The following RAP1A variants were observed in gnomAD, a reference collection of about 807,000 sequenced individuals.
The protein encoded by RAP1A is ras-related protein Rap-1A.
In RAP1A, 6 loss-of-function variants were observed where a neutral mutation model predicts 26.4. The observed-to-expected ratio is 0.23, with a 90% CI of 0.12 to 0.45. RAP1A has a LOEUF of 0.45. Ranked by LOEUF, RAP1A falls within the 20% of genes least tolerant of loss-of-function variation. RAP1A has a pLI of 0.99. For synonymous variants in RAP1A, 73 were observed against 79.4 expected (o/e 0.92, Z 0.43); for missense variants, 121 against 217.2 (o/e 0.56, Z 2.78).
At chr1:111,608,377 T>TGG (rs1033063347) in intron 1 of RAP1A, 3 of 160,246 alleles carry the variant, frequency 1.9e-5, no homozygotes, top group African/African-American at 8.0e-5. Flanking sequence ...ACTTCCTAGA[T>TGG]GGGATGGCGG....
At chr1:111,703,984 G>C (rs1244572631) in intron 5 of RAP1A, among the ~76,000 whole-genome samples, 1 of 152,062 alleles carries the variant, frequency 6.6e-6, no homozygotes. Flanking sequence ...GAATTTTTTA[G>C]TAGAGACCAG....
At chr1:111,656,850 C>T (rs1430272484) in intron 1 of RAP1A, among the ~76,000 whole-genome samples, 2 of 151,434 alleles carry the variant, frequency 1.3e-5, no homozygotes, top group Admixed American at 6.6e-5. Flanking sequence ...TGGTAAAATA[C>T]ACATAACATA....
At chr1:111,544,124 A>G (rs1656950986) in intron 1 of RAP1A, among the ~76,000 whole-genome samples, 1 of 152,172 alleles carries the variant, frequency 6.6e-6, no homozygotes, top group African/African-American at 2.4e-5. Flanking sequence ...CCCTTTTCAA[A>G]CTAACTTATC....
rs187967839 is a variant in RAP1A at position 111,563,805 on chromosome 1, A to G, written c.-28+21296A>G. 111 of 1,538,624 alleles carry G rather than the reference A, an allele frequency of 7.2e-5. No homozygotes were observed. The African/African-American group carries it at 1.1e-3, about 15-fold the overall frequency. ...GGTCAGTATGCAGACTCAGACCCCA[A>G]CCTCTGCCTCCCAGCAGCTATATTT... On this transcript the variant is annotated intron_variant, in intron 1 of 7. Transcript: ENST00000356415.
At chr1:111,610,544 ACACACACACACAC>A (rs1377453445) in intron 1 of RAP1A, among the ~76,000 whole-genome samples, 1 of 59,586 alleles carries the variant, frequency 1.7e-5, no homozygotes, top group East Asian at 4.1e-4. Context: ...ACACACACAC[ACACACACACACAC>A]ACACACACAC....
At chr1:111,617,030 A>G (rs990505507), upstream of RAP1A, among the ~76,000 whole-genome samples, 159 of 152,174 alleles carry the variant, frequency 1.0e-3, no homozygotes, top group African/African-American at 3.5e-3. Context: ...GTGGGTATGC[A>G]TGTGTGTGTA....
chr1:111,686,964 C>A (rs796130329), intron 1 of RAP1A, among the ~76,000 whole-genome samples: 3 of 151,574 alleles, frequency 2.0e-5, no homozygotes, highest in Non-Finnish European at 4.4e-5. Flanking sequence ...GACTTTGTTG[C>A]CAATAGATGT....
intron 1 of RAP1A, among the ~76,000 whole-genome samples, chr1:111,605,145 C>T (rs2247378): frequency 0.79 from 120,915 of 152,118 alleles, 48,418 homozygotes; most frequent in South Asian, 0.87. Context: ...CTGTGAAGTG[C>T]AGGGCATGAC....
chr1:111,554,335 C>T (rs1019812526), intron 1 of RAP1A, among the ~76,000 whole-genome samples: 7 of 152,086 alleles, frequency 4.6e-5, no homozygotes, highest in Non-Finnish European at 8.8e-5. Context: ...TCAAACCTAC[C>T]AGATAAAAAA....
At chr1:111,583,273 T>C (rs192299161) in intron 1 of RAP1A, among the ~76,000 whole-genome samples, 29 of 136,914 alleles carry the variant, frequency 2.1e-4, no homozygotes, top group African/African-American at 7.0e-4. Flanking sequence ...TAGTGATATA[T>C]ATAAATGCTC....
chr1:111,638,607 G>A (rs555610641), intron 1 of RAP1A, among the ~76,000 whole-genome samples: 34 of 152,214 alleles, frequency 2.2e-4, no homozygotes, highest in African/African-American at 7.2e-4. Flanking sequence ...TGTATTTTTT[G>A]TAGAGACAGT....
rs1659119301 is a variant in RAP1A, at chr1:111,619,811, C to CCGCCGCCGCTCCCGCTGCTGT, written c.-144_-124dup. 1 of 399,348 alleles carries CCGCCGCCGCTCCCGCTGCTGT rather than the reference C, an allele frequency of 2.5e-6. No homozygotes were observed. Among genetic ancestry groups the CCGCCGCCGCTCCCGCTGCTGT allele is most frequent in the African/African-American group, 2.1e-5 (1 of 48,518 alleles). The allele number at this position is 399,348 out of a possible 1,614,324, so 24.7% of individuals were successfully genotyped here. On this transcript the variant is annotated 5_prime_UTR_variant, in exon 1 of 8. Coordinates refer to ENST00000369709, the MANE Select transcript of RAP1A (RefSeq NM_002884.4). ...GCCGCCGCCGCTCCCGAGGCCCCTG[C>CCGCCGCCGCTCCCGCTGCTGT]CGCCGCCGCTCCCGCTGCTGTCGCC... is the stretch of plus-strand genomic sequence containing the variant.
chr1:111,559,538 C>A (rs12089593), intron 1 of RAP1A, among the ~76,000 whole-genome samples: 1 of 152,224 alleles, frequency 6.6e-6, no homozygotes, highest in African/African-American at 2.4e-5. Flanking sequence ...TCTCACTTTG[C>A]CTCCTTTTTC....
intron 4 of RAP1A, among the ~76,000 whole-genome samples, chr1:111,701,443 A>G (rs573462045): frequency 1.3e-4 from 20 of 152,018 alleles, no homozygotes; most frequent in African/African-American, 4.6e-4. Flanking sequence ...TAAACTCCCA[A>G]CCTTTACTTT....
intron 1 of RAP1A, among the ~76,000 whole-genome samples, chr1:111,569,545 T>G (rs1293597476): frequency 6.6e-6 from 1 of 152,032 alleles, no homozygotes; most frequent in Admixed American, 6.6e-5. Context: ...GCAAATCAAG[T>G]TCTGTCTCTG....
Position 111,631,376 on chromosome 1 carries a change from G to A in RAP1A, c.-28+11442G>A, listed in dbSNP as rs1470331079. Among the ~76,000 whole-genome samples, 4 of 152,142 alleles carry A rather than the reference G, an allele frequency of 2.6e-5. No homozygotes were observed. The East Asian group carries it at 5.8e-4, about 22-fold the overall frequency. Reference sequence around the variant, plus strand: ...GAAAGGTTGGGAGCCATTGATTAATGTCCTATCTGTAATGGACCTACAGGG... The same window carrying A: ...GAAAGGTTGGGAGCCATTGATTAATATCCTATCTGTAATGGACCTACAGGG... On this transcript the variant is annotated intron_variant, in intron 1 of 7. Coordinates refer to ENST00000369709, the MANE Select transcript of RAP1A (RefSeq NM_002884.4).
At chr1:111,648,272 C>T in intron 1 of RAP1A, 1 of 940,032 alleles carries the variant, frequency 1.1e-6, no homozygotes, top group Non-Finnish European at 1.6e-6. Context: ...CAAAGGGTAC[C>T]CTGCTTCTGC....
chr1:111,604,817 G>C (rs1658739651), intron 1 of RAP1A: 1 of 152,208 alleles, frequency 6.6e-6, no homozygotes. Flanking sequence ...GTGCTTTGAA[G>C]CCTGGGGTCT....
At chr1:111,691,521 T>G (rs758010054) in intron 2 of RAP1A, 104 bp downstream of exon 2, 37 of 996,780 alleles carry the variant, frequency 3.7e-5, no homozygotes, top group Non-Finnish European at 5.0e-5. Flanking sequence ...GGTGGCATTA[T>G]TATATATCTG....
Sources: gnomAD v4.1 joint callset for allele counts (sites outside exome capture counted in the v4.1 genomes callset) on GRCh38, gnomAD v4.1.1 for gene constraint, MANE v1.5 for transcripts, NCBI Gene and HGNC (gene_info 2026-07-23, HGNC 2026-07-21) for gene names.